The following RTN1 variants were observed in gnomAD, a reference collection of about 807,000 sequenced individuals.
RTN1 encodes reticulon-1.
A neutral mutation model predicts 65.5 loss-of-function variants in RTN1; 25 were observed. The observed-to-expected ratio is 0.38, with a 90% CI of 0.28 to 0.53. The LOEUF (loss-of-function observed/expected upper bound fraction) is 0.53, where lower values mean the gene tolerates loss of function less well. Among genes scored for constraint, RTN1 ranks in the 20% least tolerant of loss-of-function variants. The probability of loss-of-function intolerance (pLI) is 0.79; values close to 1 mark genes in which losing one functional copy is unlikely to be tolerated. For synonymous variants in RTN1, 471 were observed against 447.6 expected (o/e 1.05, Z -0.66); for missense variants, 983 against 1,025.4 (o/e 0.96, Z 0.57).
chr14:59,793,101 A>G (rs1308786879), intron 1 of RTN1, among the ~76,000 whole-genome samples: 2 of 152,184 alleles, frequency 1.3e-5, no homozygotes, highest in African/African-American at 4.8e-5. Flanking sequence ...CTTATGAACA[A>G]ATTACTGAAA....
chr14:59,675,444 T>G (rs59123766), intron 3 of RTN1, among the ~76,000 whole-genome samples: 9,422 of 38,678 alleles, frequency 0.24, 1,201 homozygotes, highest in African/African-American at 0.38. Flanking sequence ...CTATAGGACT[T>G]GGGGGGGGGG....
At position 59,760,425 on chromosome 14, in the gene RTN1, A is replaced by AT. The variant is rs145739489; in HGVS notation, c.242-13945dup. 3.6e-3 allele frequency among the ~76,000 whole-genome samples: 552 copies of AT among 152,304 alleles called. 3 individuals are homozygous for AT. Among genetic ancestry groups the AT allele is most frequent in the Non-Finnish European group, 6.3e-3 (426 of 68,014 alleles). Reference sequence around the variant, plus strand: ...ATAGGAGACCAGAAGTGGAAGGGAGATTTTTTCACTGTGTACACTTCTTTT... The same window carrying AT: ...ATAGGAGACCAGAAGTGGAAGGGAGATTTTTTTCACTGTGTACACTTCTTTT... On this transcript the variant is annotated intron_variant, in intron 1 of 8. Transcript: ENST00000267484.
chr14:59,866,937 G>T lies in RTN1; in HGVS notation c.241+3453C>A, dbSNP rs548355352. On this transcript the variant is annotated intron_variant, in intron 1 of 8. Transcript: ENST00000267484. Reference sequence around the variant, plus strand: ...TCACATTTAGCATTTGAAAAATGAGGACATATAAACAATATGGTCCATGTA... The same window carrying T: ...TCACATTTAGCATTTGAAAAATGAGTACATATAAACAATATGGTCCATGTA... Among the ~76,000 whole-genome samples, 105 of 152,240 alleles carry T rather than the reference G, an allele frequency of 6.9e-4. 1 individual carries two copies. The Middle Eastern group carries it at 0.017, about 25-fold the overall frequency.
intron 1 of RTN1, among the ~76,000 whole-genome samples, chr14:59,799,977 A>G (rs1304923857): frequency 6.6e-6 from 1 of 152,198 alleles, no homozygotes; most frequent in African/African-American, 2.4e-5. Flanking sequence ...GAGAATTCCT[A>G]TCTCCACCCC....
chr14:59,599,920 C>T (rs575987617), intron 8 of RTN1, among the ~76,000 whole-genome samples: 1 of 152,276 alleles, frequency 6.6e-6, no homozygotes, highest in East Asian at 1.9e-4. Flanking sequence ...TTACAAGCTA[C>T]TTTGTCATTC....
chr14:59,612,477 T>C (rs918780587), intron 3 of RTN1, among the ~76,000 whole-genome samples: 2 of 152,178 alleles, frequency 1.3e-5, no homozygotes, highest in Admixed American at 6.5e-5. Context: ...TCCGCAAGGT[T>C]TGATTAATAG....
intron 3 of RTN1, among the ~76,000 whole-genome samples, chr14:59,664,979 T>C (rs1029999274): frequency 2.0e-5 from 3 of 152,168 alleles, no homozygotes; most frequent in African/African-American, 7.2e-5. Flanking sequence ...ATCCAGTATC[T>C]CCACATTCTT....
At chr14:59,826,440 T>C (rs192722047) in intron 1 of RTN1, among the ~76,000 whole-genome samples, 5 of 152,312 alleles carry the variant, frequency 3.3e-5, no homozygotes, top group African/African-American at 1.2e-4. Flanking sequence ...CAGTGAGCTA[T>C]GTCTATGTCA....
At chr14:59,707,703 T>C (rs1478010835) in intron 3 of RTN1, among the ~76,000 whole-genome samples, 3 of 133,892 alleles carry the variant, frequency 2.2e-5, no homozygotes, top group Non-Finnish European at 4.8e-5. Flanking sequence ...TCTGTCTCTC[T>C]CTTTTACACA....
Position 59,596,849 on chromosome 14 carries a change from G to A in RTN1, c.2289-62C>T, listed in dbSNP as rs887257281. On this transcript the variant is annotated intron_variant, in intron 8 of 8. Coordinates refer to ENST00000267484, the MANE Select transcript of RTN1 (RefSeq NM_021136.3). Reference sequence around the variant, plus strand: ...TGTTATTAATGAAATCATTTTATGTGTTGTTGCTTTAATTAGCTAAGTGAC... The same window carrying A: ...TGTTATTAATGAAATCATTTTATGTATTGTTGCTTTAATTAGCTAAGTGAC... The A allele has an allele frequency of 4.5e-6, 6 of 1,328,346 alleles. No homozygotes were observed. In the South Asian group the frequency reaches 4.7e-5, roughly 10 times the overall value. The allele number at this position is 1,328,346 out of a possible 1,614,324, so 82.3% of individuals were successfully genotyped here.
rs1039120837 is a variant in RTN1, at chr14:59,849,246, G to A, written c.241+21144C>T. On this transcript the variant is annotated intron_variant, in intron 1 of 8. Coordinates refer to ENST00000267484, the MANE Select transcript of RTN1 (RefSeq NM_021136.3). This position sits in a 1 kb window ranked among gnomAD's most constrained non-coding sequence, Gnocchi z 4.5. ...AAAGTGTTTATCACAGTACCTGCCTGCCTAGCACTAGGTGCTAAATACATG... is the reference window on the plus strand; with the variant it reads ...AAAGTGTTTATCACAGTACCTGCCTACCTAGCACTAGGTGCTAAATACATG... Among the ~76,000 whole-genome samples the A allele has an allele frequency of 1.3e-5, 2 of 152,198 alleles. No homozygotes were observed. The highest frequency in any genetic ancestry group is 4.8e-5 in the African/African-American group (2 of 41,442).
chr14:59,663,836 T>C (rs1472687987), intron 3 of RTN1, among the ~76,000 whole-genome samples: 2 of 152,132 alleles, frequency 1.3e-5, no homozygotes, highest in Admixed American at 6.6e-5. Context: ...GGAGAGGATG[T>C]GGAGAAATAG....
chr14:59,758,468 CAT>C (rs1206229638), intron 1 of RTN1, among the ~76,000 whole-genome samples: 1 of 152,212 alleles, frequency 6.6e-6, no homozygotes, highest in Non-Finnish European at 1.5e-5. Flanking sequence ...AGCCCACAAA[CAT>C]ACCATAAGAT....
intron 3 of RTN1, among the ~76,000 whole-genome samples, chr14:59,666,634 A>G (rs1883381262): frequency 6.6e-6 from 1 of 152,176 alleles, no homozygotes. Flanking sequence ...ACCCTTCAAA[A>G]AAAATCAATG....
chr14:59,710,347 ATGTAAAGTTTCACT>A (rs976360748), intron 3 of RTN1, among the ~76,000 whole-genome samples: 1 of 152,212 alleles, frequency 6.6e-6, no homozygotes, highest in African/African-American at 2.4e-5. Flanking sequence ...ACTTCTTTGC[ATGTAAAGTTTCACT>A]TTAAAAAATA....
chr14:59,870,147 A>C lies in RTN1; in HGVS notation c.241+243T>G, dbSNP rs1887869234. On this transcript the variant is annotated intron_variant, in intron 1 of 8. Coordinates refer to ENST00000267484, the MANE Select transcript of RTN1 (RefSeq NM_021136.3). This position sits in a 1 kb window ranked among gnomAD's most constrained non-coding sequence, Gnocchi z 5.1. ...TGAGAACAATTTTTAAAGCGGAAAT[A>C]ATCATGATAATGAAATAAAAGGATC... Among the ~76,000 whole-genome samples the C allele has an allele frequency of 6.6e-6, 1 of 152,236 alleles. No individual in the cohort carries two copies. Among genetic ancestry groups the C allele is most frequent in the Admixed American group, 6.5e-5 (1 of 15,292 alleles).
chr14:59,606,587 T>C (rs551033312), intron 4 of RTN1, among the ~76,000 whole-genome samples: 2 of 152,308 alleles, frequency 1.3e-5, no homozygotes, highest in South Asian at 4.1e-4. Flanking sequence ...TGCTGGCACC[T>C]TGATCTTGGA....
chr14:59,852,115 T>A (rs550560819), intron 1 of RTN1, among the ~76,000 whole-genome samples: 1 of 152,140 alleles, frequency 6.6e-6, no homozygotes, highest in Non-Finnish European at 1.5e-5. Flanking sequence ...GTATTATCTA[T>A]AATAAAAGGT....
intron 3 of RTN1, among the ~76,000 whole-genome samples, chr14:59,636,580 A>AGTGTG (rs1882670455): frequency 6.6e-6 from 1 of 152,228 alleles, no homozygotes; most frequent in Admixed American, 6.5e-5. Context: ...ACACTAGGTT[A>AGTGTG]ATAGAGTATT....
Sources: allele counts gnomAD v4.1 joint callset (sites outside exome capture counted in the v4.1 genomes callset), GRCh38; gene constraint gnomAD v4.1.1; non-coding constraint Gnocchi (gnomAD v3.1); transcripts MANE v1.5; gene names NCBI Gene and HGNC (gene_info 2026-07-23, HGNC 2026-07-21).